The following LEKR1 variants were observed in gnomAD, a reference collection of about 807,000 sequenced individuals.
The protein encoded by LEKR1 is protein LEKR1.
Under a neutral mutation model 72.4 loss-of-function variants are expected in LEKR1, and 59 were observed. That is an observed-to-expected ratio of 0.82 (90% CI 0.66 to 1.01). LEKR1 has a LOEUF of 1.01. Ranked by LOEUF, LEKR1 falls within the 50% of genes least tolerant of loss-of-function variation. The probability of loss-of-function intolerance (pLI) is 0.00; values close to 1 mark genes in which losing one functional copy is unlikely to be tolerated. For missense variants in LEKR1, 728 were observed against 759.2 expected, an observed-to-expected ratio of 0.96 and a Z score of 0.48; for synonymous variants, 257 against 263.2, an observed-to-expected ratio of 0.98 and a Z score of 0.23.
chr3:156,860,623 C>A (rs1716658824), intron 3 of LEKR1, among the ~76,000 whole-genome samples: 1 of 152,112 alleles, frequency 6.6e-6, no homozygotes, highest in Non-Finnish European at 1.5e-5. Context: ...GTGTACCTGG[C>A]TGGAGTAGAG....
chr3:156,890,090 T>C (rs1443270037), intron 3 of LEKR1, among the ~76,000 whole-genome samples: 4 of 152,230 alleles, frequency 2.6e-5, no homozygotes, highest in Non-Finnish European at 5.9e-5. Flanking sequence ...TGATAGCTCA[T>C]GTAAATTATT....
intron 2 of LEKR1, among the ~76,000 whole-genome samples, chr3:156,838,303 A>G (rs1278407909): frequency 1.3e-5 from 2 of 152,338 alleles, no homozygotes; most frequent in South Asian, 2.1e-4. Context: ...TTCATCAGCA[A>G]TTCTTTCAGG....
intron 9 of LEKR1, 108 bp downstream of exon 9, chr3:156,993,385 G>A: frequency 1.5e-6 from 1 of 659,900 alleles, no homozygotes; most frequent in Non-Finnish European, 2.5e-6. Context: ...TGAAATCACA[G>A]GACTAAAGAT....
chr3:157,028,166 A>G lies in LEKR1; in HGVS notation c.1432A>G (p.Lys478Glu). ...GCAGGAAGTGACCACTCTTAAAGAA[A>G]AACTTCACAAATCCCATATTCGGTA... ...LRQEVTTLKE[K>E]LHKSHIRYTE... The change falls in exon 12 of 13, where the codon AAA (lysine) becomes GAA (glutamate). Residue 478 changes from lysine (K) to glutamate (E), a missense_variant. Coordinates refer to ENST00000356539, the MANE Select transcript of LEKR1 (RefSeq NM_001004316.3). 6.2e-7 allele frequency: 1 copy of G among 1,611,028 alleles called. No homozygotes were observed. Among genetic ancestry groups the G allele is most frequent in the South Asian group, 1.1e-5 (1 of 90,492 alleles).
chr3:157,009,842 A>G (rs1732748257), intron 9 of LEKR1, among the ~76,000 whole-genome samples: 1 of 152,070 alleles, frequency 6.6e-6, no homozygotes, highest in African/African-American at 2.4e-5. Context: ...AGGCACTTGT[A>G]AGTTTAGAAT....
At chr3:156,878,389 A>T (rs1044999976) in intron 3 of LEKR1, among the ~76,000 whole-genome samples, 2 of 152,194 alleles carry the variant, frequency 1.3e-5, no homozygotes, top group Non-Finnish European at 2.9e-5. Flanking sequence ...TGACCCAAAG[A>T]TCATTCAAAA....
At chr3:156,992,595 G>C (rs1415460622) in intron 7 of LEKR1, 58 bp from the exon 8 acceptor site, 2 of 324,712 alleles carry the variant, frequency 6.2e-6, no homozygotes, top group African/African-American at 4.6e-5. Flanking sequence ...TAATGCTACA[G>C]AAAAACATAT....
At chr3:156,967,643 A>G (rs571758460) in intron 6 of LEKR1, among the ~76,000 whole-genome samples, 1 of 152,118 alleles carries the variant, frequency 6.6e-6, no homozygotes, top group Admixed American at 6.6e-5. Context: ...CCAAATCTAC[A>G]TCTGATTGGT....
At chr3:156,912,768 A>G (rs1021641886) in intron 3 of LEKR1, among the ~76,000 whole-genome samples, 9 of 152,170 alleles carry the variant, frequency 5.9e-5, no homozygotes, top group Non-Finnish European at 1.0e-4. Flanking sequence ...GGTCCATACT[A>G]GAGACTGGGA....
intron 3 of LEKR1, among the ~76,000 whole-genome samples, chr3:156,900,730 G>A (rs1273717673): frequency 2.0e-5 from 3 of 152,166 alleles, no homozygotes; most frequent in East Asian, 1.9e-4. Context: ...ATATTTTTGC[G>A]TGATTTGATC....
chr3:156,993,214 TG>T lies in LEKR1; in HGVS notation c.1048del (p.Glu350ArgfsTer2). On this transcript the variant is annotated frameshift_variant, in exon 9 of 13. Coordinates refer to ENST00000356539, the MANE Select transcript of LEKR1 (RefSeq NM_001004316.3). LOFTEE classifies it high-confidence loss of function. ...KRRINLAENELEITKTLLNQT... is the reference protein window; with the variant it reads ...KRRINLAENEXEITKTLLNQT... ...AGAATTAACCTTGCAGAAAATGAAC[TG>T]GAGATAACCAAAACTCTTCTGAATC... 6.2e-7 allele frequency: 1 copy of T among 1,612,716 alleles called. No homozygotes were observed. Among genetic ancestry groups the T allele is most frequent in the African/African-American group, 1.3e-5 (1 of 74,940 alleles).
chr3:156,948,109 G>T (rs1560101529), intron 6 of LEKR1, among the ~76,000 whole-genome samples: 1 of 151,012 alleles, frequency 6.6e-6, no homozygotes, highest in Admixed American at 6.6e-5. Context: ...AAAAATTTTG[G>T]TAATATTGTC....
At chr3:157,019,966 T>C (rs1485146248) in intron 10 of LEKR1, among the ~76,000 whole-genome samples, 1 of 152,212 alleles carries the variant, frequency 6.6e-6, no homozygotes. Flanking sequence ...AACTCATCAC[T>C]CTGCTTCTTT....
Position 157,028,419 on chromosome 3 carries a change from G to A in LEKR1, c.1668+17G>A, listed in dbSNP as rs1395695535. 7 of 1,550,580 alleles carry A rather than the reference G, an allele frequency of 4.5e-6. No individual in the cohort carries two copies. Among genetic ancestry groups the A allele is most frequent in the Non-Finnish European group, 6.1e-6 (7 of 1,150,862 alleles). On this transcript the variant is annotated intron_variant, in intron 12 of 12. Transcript: ENST00000356539. ...CAGGAAGAGGTAGGAAGCAGATAGT[G>A]GTAACTTTGCAATTAATCAAAGAGC...
chr3:156,993,168 CAAG>C lies in LEKR1; in HGVS notation c.1008_1010del (p.Glu336del), dbSNP rs779358592. The C allele has an allele frequency of 1.2e-5, 20 of 1,611,264 alleles. No homozygotes were observed. In the South Asian group the frequency reaches 1.3e-4, roughly 11 times the overall value. ...GGAAGAGCTGACTGTGAAAGAAAAGCAAGAAGAAGACATAAAGAGAAGAATTAA... is the reference window on the plus strand; with the variant it reads ...GGAAGAGCTGACTGTGAAAGAAAAGCAAGAAGACATAAAGAGAAGAATTAA... On this transcript the variant is annotated inframe_deletion, in exon 9 of 13. Coordinates refer to ENST00000356539, the MANE Select transcript of LEKR1 (RefSeq NM_001004316.3).
chr3:157,010,025 T>C (rs1732763662), intron 9 of LEKR1, among the ~76,000 whole-genome samples: 1 of 152,074 alleles, frequency 6.6e-6, no homozygotes, highest in Admixed American at 6.5e-5. Context: ...AATATTTCTG[T>C]ATTATCATCT....
intron 5 of LEKR1, among the ~76,000 whole-genome samples, chr3:156,931,861 C>G (rs1576847895): frequency 1.3e-5 from 2 of 152,128 alleles, no homozygotes; most frequent in South Asian, 4.1e-4. Context: ...CACAAAGGCA[C>G]TTTCTTTGAT....
chr3:156,888,179 G>A, intron 3 of LEKR1: 2 of 634,026 alleles, frequency 3.2e-6, no homozygotes, highest in Non-Finnish European at 5.8e-6. Context: ...TAGGAGTGGG[G>A]AGAGGATTGG....
chr3:156,978,270 TTATA>T (rs1188605471), intron 6 of LEKR1, among the ~76,000 whole-genome samples: 2 of 152,210 alleles, frequency 1.3e-5, no homozygotes, highest in African/African-American at 4.8e-5. Flanking sequence ...GAATGCCGAT[TTATA>T]TAGTTTTATG....
Sources: gnomAD v4.1 joint callset for allele counts (sites outside exome capture counted in the v4.1 genomes callset) on GRCh38, gnomAD v4.1.1 for gene constraint, MANE v1.5 for transcripts, NCBI Gene and HGNC (gene_info 2026-07-23, HGNC 2026-07-21) for gene names.